Variants in FAP observed in about 807,000 individuals in gnomAD.
FAP encodes fibroblast activation protein alpha.
In FAP, 110 loss-of-function variants were observed where a neutral mutation model predicts 126.5. The ratio of observed to expected loss-of-function variants is 0.87; its 90% CI spans 0.74 to 1.02. The LOEUF is 1.02. Ranked by LOEUF, FAP falls within the 50% of genes least tolerant of loss-of-function variation. The pLI is 0.00. For synonymous variants in FAP, 334 were observed against 297.3 expected, an observed-to-expected ratio of 1.12 and a Z score of -1.27; for missense variants, 919 against 909.2, an observed-to-expected ratio of 1.01 and a Z score of -0.14.
intron 15 of FAP, among the ~76,000 whole-genome samples, chr2:162,200,361 C>T (rs1464991014): frequency 6.6e-6 from 1 of 151,998 alleles, no homozygotes; most frequent in African/African-American, 2.4e-5. Context: ...CTTGTTTTTT[C>T]CTTTTGAAAA....
At chr2:162,238,226 C>G (rs1690215647) in intron 2 of FAP, among the ~76,000 whole-genome samples, 1 of 152,004 alleles carries the variant, frequency 6.6e-6, no homozygotes, top group Non-Finnish European at 1.5e-5. Context: ...TCAATTATTG[C>G]TATATTTTAT....
At chr2:162,172,721 C>T in intron 25 of FAP, 90 bp downstream of exon 25, 1 of 821,096 alleles carries the variant, frequency 1.2e-6, no homozygotes, top group East Asian at 2.7e-5. Flanking sequence ...TCAGATTTTA[C>T]TTTAAAAGTT....
chr2:162,233,060 C>T (rs940421721), intron 2 of FAP, among the ~76,000 whole-genome samples: 14 of 152,158 alleles, frequency 9.2e-5, no homozygotes, highest in Non-Finnish European at 2.1e-4. Flanking sequence ...GACCCACCCC[C>T]TCACCCCACT....
intron 20 of FAP, among the ~76,000 whole-genome samples, chr2:162,186,015 T>C (rs1687856696): frequency 6.6e-6 from 1 of 152,156 alleles, no homozygotes; most frequent in South Asian, 2.1e-4. Flanking sequence ...CTGTTGTTTA[T>C]AGACTTTGCA....
chr2:162,218,004 T>G lies in FAP; in HGVS notation c.744A>C (p.Ile248=), dbSNP rs1010026916. 1.0e-5 allele frequency: 16 copies of G among 1,576,206 alleles called. No homozygotes were observed. The Admixed American group carries it at 2.8e-4, about 27-fold the overall frequency. Residue 248 remains isoleucine (I), a synonymous_variant, in exon 9 of 26, where the codon ATA becomes ATC. Coordinates refer to ENST00000188790, the MANE Select transcript of FAP (RefSeq NM_004460.5). ...AACATACCTTTGGGTATGGAATATT[T>G]ATTGTTCTAGGATATTGTTCATCGC... is the stretch of plus-strand genomic sequence containing the variant. ...YYGDEQYPRT[I]NIPYPKAGAK...
chr2:162,238,824 T>C (rs1690237694), intron 2 of FAP, among the ~76,000 whole-genome samples: 2 of 152,216 alleles, frequency 1.3e-5, no homozygotes, highest in Admixed American at 1.3e-4. Flanking sequence ...AATAGAATAC[T>C]AATTAGTAAT....
At chr2:162,235,157 C>A (rs34904074) in intron 2 of FAP, among the ~76,000 whole-genome samples, 2 of 151,552 alleles carry the variant, frequency 1.3e-5, no homozygotes, top group African/African-American at 2.4e-5. Context: ...CCCGTCACCC[C>A]CTCCGCACCG....
In FAP at chr2:162,203,070, T is replaced by G; in HGVS notation, c.1123A>C (p.Lys375Gln). ...YKIFSDKDGYKHIHYIKDTVE... is the reference protein window; with the variant it reads ...YKIFSDKDGYQHIHYIKDTVE... ...GTGTCTTTGATATAGTGAATATGTT[T>G]GTAGCCATCCTTGTCACTAAATATT... The change falls in exon 13 of 26, where the codon AAA (lysine) becomes CAA (glutamine). Residue 375 changes from lysine (K) to glutamine (Q), a missense_variant. Transcript: ENST00000188790. 6.2e-7 allele frequency: 1 copy of G among 1,613,464 alleles called. No homozygotes were observed. Among genetic ancestry groups the G allele is most frequent in the Non-Finnish European group, 8.5e-7 (1 of 1,179,426 alleles).
At chr2:162,198,299 C>T (rs905691721) in intron 16 of FAP, 1 of 1,289,596 alleles carries the variant, frequency 7.8e-7, no homozygotes, top group African/African-American at 1.5e-5. Flanking sequence ...GTTCATTCCC[C>T]TGGATGTGAG....
intron 6 of FAP, among the ~76,000 whole-genome samples, chr2:162,223,274 A>G (rs929993621): frequency 6.6e-6 from 1 of 152,100 alleles, no homozygotes; most frequent in Non-Finnish European, 1.5e-5. Context: ...ACTCTCCTAA[A>G]AATAGTGTCT....
intron 11 of FAP, among the ~76,000 whole-genome samples, chr2:162,213,461 A>G (rs753825120): frequency 2.4e-4 from 36 of 151,976 alleles, no homozygotes; most frequent in Non-Finnish European, 1.3e-4. Context: ...TCTTTTGATA[A>G]TATCCATTTC....
chr2:162,174,223 C>A (rs191380372), intron 22 of FAP, among the ~76,000 whole-genome samples: 3 of 152,246 alleles, frequency 2.0e-5, no homozygotes, highest in South Asian at 2.1e-4. Flanking sequence ...CCCCTACACA[C>A]GTACATAGAT....
chr2:162,237,319 A>G (rs1690177608), intron 2 of FAP, among the ~76,000 whole-genome samples: 1 of 152,184 alleles, frequency 6.6e-6, no homozygotes. Context: ...TGCTGCACCC[A>G]TCAACCCGTC....
chr2:162,230,838 A>G (rs572004716), intron 2 of FAP, among the ~76,000 whole-genome samples: 6 of 152,250 alleles, frequency 3.9e-5, no homozygotes, highest in Non-Finnish European at 8.8e-5. Flanking sequence ...CAGAATCTCA[A>G]TTTAATGATT....
rs1182541567 is a variant in FAP at position 162,174,718 on chromosome 2, A to G, written c.1969+149T>C. ...GATTGTTACAACATGTTTATAATAA[A>G]TGATATAAACAACTTTGTTTATAAA... On this transcript the variant is annotated intron_variant, in intron 22 of 25. Coordinates refer to ENST00000188790, the MANE Select transcript of FAP (RefSeq NM_004460.5). 4 of 544,336 alleles carry G rather than the reference A, an allele frequency of 7.3e-6. No homozygotes were observed. In the African/African-American group the frequency reaches 7.7e-5, roughly 10 times the overall value. The allele number at this position is 544,336 out of a possible 1,614,324, so 33.7% of individuals were successfully genotyped here. A position where few individuals can be genotyped will look rare whatever the true frequency, so the allele number is the denominator to read the frequency against.
chr2:162,187,248 C>A (rs1687892511), intron 20 of FAP, among the ~76,000 whole-genome samples: 1 of 152,014 alleles, frequency 6.6e-6, no homozygotes, highest in Admixed American at 6.6e-5. Context: ...GCAGTGAAAT[C>A]ATTAAGTATT....
At chr2:162,181,966 T>C (rs1018044618) in intron 21 of FAP, among the ~76,000 whole-genome samples, 1 of 152,206 alleles carries the variant, frequency 6.6e-6, no homozygotes, top group African/African-American at 2.4e-5. Context: ...CATTTCTTAC[T>C]TTCTTTGCTC....
In FAP at chr2:162,194,655, T is replaced by C. The variant is rs767220006; in HGVS notation, c.1450+46A>G. ...TTCTCTAGCGGAGCATCACAGAGAG[T>C]TCAGGATTACTTGAGACAAGATAGA... On this transcript the variant is annotated intron_variant, in intron 17 of 25. Coordinates refer to ENST00000188790, the MANE Select transcript of FAP (RefSeq NM_004460.5). The C allele has an allele frequency of 3.2e-6, 5 of 1,567,980 alleles. No individual in the cohort carries two copies. The Admixed American group carries it at 6.7e-5, about 21-fold the overall frequency.
intron 16 of FAP, chr2:162,197,881 A>G (rs1688318696): frequency 3.0e-6 from 1 of 335,156 alleles, no homozygotes; most frequent in African/African-American, 2.2e-5. Flanking sequence ...TCAGCCCCAA[A>G]TTAGGAATAA....
Sources: allele counts gnomAD v4.1 joint callset (sites outside exome capture counted in the v4.1 genomes callset), GRCh38; gene constraint gnomAD v4.1.1; transcripts MANE v1.5; gene names NCBI Gene and HGNC (gene_info 2026-07-23, HGNC 2026-07-21).